ZNF257: variants seen among roughly 807,000 people sequenced by gnomAD.
ZNF257 encodes zinc finger protein 257.
ZNF257 carries 12 observed loss-of-function variants against 11.9 expected under a neutral mutation model. That is an observed-to-expected ratio of 1.01 (90% CI 0.65 to 1.63). The LOEUF is 1.63. Ranked by LOEUF, ZNF257 falls within the 40% of genes most tolerant of loss-of-function variation. ZNF257 has a pLI of 0.00. For synonymous variants in ZNF257, 183 were observed against 222.7 expected, an observed-to-expected ratio of 0.82 and a Z score of 1.59; for missense variants, 580 against 665.5, an observed-to-expected ratio of 0.87 and a Z score of 1.41.
intron 1 of ZNF257, among the ~76,000 whole-genome samples, chr19:22,063,277 A>G (rs2021852585): frequency 6.6e-6 from 1 of 152,038 alleles, no homozygotes; most frequent in Non-Finnish European, 1.5e-5. Context: ...AGCCAGTAGT[A>G]TATCTTATCA....
intron 1 of ZNF257, among the ~76,000 whole-genome samples, chr19:22,065,383 A>G (rs1009823417): frequency 6.6e-6 from 1 of 151,952 alleles, no homozygotes; most frequent in African/African-American, 2.4e-5. Context: ...TATTTTTAGT[A>G]GAGATGGGAT....
intron 3 of ZNF257, among the ~76,000 whole-genome samples, chr19:22,081,406 A>AT (rs1156569501): frequency 1.3e-5 from 2 of 151,708 alleles, no homozygotes; most frequent in East Asian, 1.9e-4. Context: ...TGGAATATAG[A>AT]TTTTTTTCAT....
chr19:22,067,157 C>T (rs1304160759), intron 1 of ZNF257, among the ~76,000 whole-genome samples: 3 of 152,154 alleles, frequency 2.0e-5, no homozygotes, highest in African/African-American at 7.2e-5. Context: ...TATTTGGTAT[C>T]TATAGGCCAC....
chr19:22,065,295 G>A (rs965551577), intron 1 of ZNF257, among the ~76,000 whole-genome samples: 2 of 151,298 alleles, frequency 1.3e-5, no homozygotes, highest in Admixed American at 1.3e-4. Flanking sequence ...TGCTTCCCAG[G>A]TTCAAGCGAT....
intron 3 of ZNF257, among the ~76,000 whole-genome samples, chr19:22,082,225 C>G (rs2022376119): frequency 6.6e-6 from 1 of 152,086 alleles, no homozygotes; most frequent in Admixed American, 6.5e-5. Context: ...TATGCACCAT[C>G]ATTATAATAG....
intron 1 of ZNF257, among the ~76,000 whole-genome samples, chr19:22,058,590 C>T (rs565972822): frequency 1.1e-4 from 16 of 152,246 alleles, no homozygotes; most frequent in Admixed American, 8.5e-4. Context: ...TGGTATTCAG[C>T]AAACTCTACA....
chr19:22,067,570 C>T (rs555246218), intron 1 of ZNF257, among the ~76,000 whole-genome samples: 3 of 152,240 alleles, frequency 2.0e-5, no homozygotes, highest in South Asian at 4.1e-4. Flanking sequence ...GGTGCAGTGG[C>T]TCACACCTGT....
chr19:22,069,403 A>T (rs2022041725), intron 1 of ZNF257, among the ~76,000 whole-genome samples: 1 of 152,046 alleles, frequency 6.6e-6, no homozygotes, highest in South Asian at 2.1e-4. Context: ...TCACGAGGTC[A>T]GGAGTTCGAG....
chr19:22,076,268 T>C (rs141426363), intron 3 of ZNF257, among the ~76,000 whole-genome samples: 2,832 of 149,576 alleles, frequency 0.019, 92 homozygotes, highest in African/African-American at 0.066. Flanking sequence ...GCTATATATA[T>C]ATTAAATTAT....
intron 1 of ZNF257, among the ~76,000 whole-genome samples, chr19:22,059,888 A>G (rs2359835): frequency 8.5e-6 from 1 of 117,508 alleles, no homozygotes; most frequent in Non-Finnish European, 2.0e-5. Context: ...ACACCCACTA[A>G]TTTTTTTCTT....
chr19:22,083,665 C>G (rs1216533108), intron 3 of ZNF257, among the ~76,000 whole-genome samples: 1 of 152,126 alleles, frequency 6.6e-6, no homozygotes, highest in Non-Finnish European at 1.5e-5. Context: ...CATTATACAA[C>G]TACCAATTTT....
At chr19:22,072,980 T>G (rs1200152474) in intron 2 of ZNF257, 45 bp downstream of exon 2, 2 of 1,463,398 alleles carry the variant, frequency 1.4e-6, no homozygotes, top group Non-Finnish European at 1.8e-6. Context: ...CTCCAAAGGC[T>G]TTATTTTTTA....
At position 22,091,351 on chromosome 19, in the gene ZNF257, T is replaced by C. The variant is rs952713985; in HGVS notation, c.*1909T>C. On this transcript the variant is annotated 3_prime_UTR_variant, in exon 4 of 4. Coordinates refer to ENST00000594947, the MANE Select transcript of ZNF257 (RefSeq NM_033468.4). Reference sequence around the variant, plus strand: ...GGTGGGTGCCTGAAATCCCAGCTATTTGGGAGATTGAGGCAAGAGAATCAC... The same window carrying C: ...GGTGGGTGCCTGAAATCCCAGCTATCTGGGAGATTGAGGCAAGAGAATCAC... The C allele has an allele frequency of 3.3e-5, 5 of 150,292 alleles. No homozygotes were observed. Among genetic ancestry groups the C allele is most frequent in the African/African-American group, 9.8e-5 (4 of 40,838 alleles). The allele number at this position is 150,292 out of a possible 1,614,324, so 9.3% of individuals were successfully genotyped here. A position where few individuals can be genotyped will look rare whatever the true frequency, so the allele number is the denominator to read the frequency against.
rs2022624020 is a variant in ZNF257 at position 22,091,452 on chromosome 19, C to A, written c.*2010C>A. 1.9e-5 allele frequency: 2 copies of A among 107,292 alleles called. No homozygotes were observed. The highest frequency in any genetic ancestry group is 7.5e-5 in the African/African-American group (2 of 26,498). The allele number at this position is 107,292 out of a possible 1,614,324, so 6.6% of individuals were successfully genotyped here. ...TCCAGCCTAGGCAACAAGAGCAAGA[C>A]TTCGTCTCAAAAAAAAAAAAAAAAA... On this transcript the variant is annotated 3_prime_UTR_variant, in exon 4 of 4. Coordinates refer to ENST00000594947, the MANE Select transcript of ZNF257 (RefSeq NM_033468.4).
chr19:22,078,249 A>AT (rs1303342605), intron 3 of ZNF257, among the ~76,000 whole-genome samples: 1 of 151,170 alleles, frequency 6.6e-6, no homozygotes, highest in East Asian at 1.9e-4. Flanking sequence ...AAAAAAAAAA[A>AT]AAAAAAAAAT....
chr19:22,067,123 T>C (rs73019844), intron 1 of ZNF257, among the ~76,000 whole-genome samples: 34,757 of 152,124 alleles, frequency 0.23, 4,702 homozygotes, highest in South Asian at 0.44. Flanking sequence ...CTCCTAAATA[T>C]GCAGGAAGAA....
intron 1 of ZNF257, among the ~76,000 whole-genome samples, chr19:22,067,942 A>G (rs546798895): frequency 6.6e-6 from 1 of 151,306 alleles, no homozygotes; most frequent in African/African-American, 2.4e-5. Flanking sequence ...AAGTAGCATC[A>G]ATTTAACTAA....
intron 3 of ZNF257, among the ~76,000 whole-genome samples, chr19:22,079,460 C>G (rs2022310505): frequency 6.6e-6 from 1 of 152,096 alleles, no homozygotes; most frequent in Non-Finnish European, 1.5e-5. Context: ...TTAATTGGCA[C>G]ACACTTCCAC....
chr19:22,078,914 T>C (rs895146919), intron 3 of ZNF257, among the ~76,000 whole-genome samples: 1 of 151,570 alleles, frequency 6.6e-6, no homozygotes, highest in African/African-American at 2.4e-5. Context: ...TGCCTCAGCC[T>C]CTCTAGTAGC....
Sources: allele counts gnomAD v4.1 joint callset (sites outside exome capture counted in the v4.1 genomes callset), GRCh38; gene constraint gnomAD v4.1.1; transcripts MANE v1.5; gene names NCBI Gene and HGNC (gene_info 2026-07-23, HGNC 2026-07-21).